The following TRAK1 variants were observed in gnomAD, a reference collection of about 807,000 sequenced individuals.
The protein encoded by TRAK1 is trafficking kinesin protein 1, also known as trafficking kinesin-binding protein 1.
Under a neutral mutation model 92.1 loss-of-function variants are expected in TRAK1, and 33 were observed. The ratio of observed to expected loss-of-function variants is 0.36; its 90% CI spans 0.27 to 0.48. TRAK1 has a LOEUF of 0.48. Among genes scored for constraint, TRAK1 ranks in the 20% least tolerant of loss-of-function variants. The pLI, the probability that TRAK1 is intolerant of heterozygous loss-of-function variation, is 0.99. For synonymous variants in TRAK1, 521 were observed against 517.3 expected, an observed-to-expected ratio of 1.01 and a Z score of -0.10; for missense variants, 1,123 against 1,257.9, an observed-to-expected ratio of 0.89 and a Z score of 1.62.
chr3:42,102,851 C>T (rs1376264958), intron 1 of TRAK1, among the ~76,000 whole-genome samples: 1 of 107,040 alleles, frequency 9.3e-6, no homozygotes, highest in Non-Finnish European at 2.1e-5. Flanking sequence ...CAGGGACCCT[C>T]CCCTGTCTGC....
Position 42,209,846 on chromosome 3 carries a change from C to G in TRAK1, c.1824C>G (p.Val608=), listed in dbSNP as rs757110433. The change falls in exon 14 of 16, where the codon GTC becomes GTG. Residue 608 remains valine, a synonymous_variant. Transcript: ENST00000327628. ...TCCTGGACCCCCGGCCCGGTGTGGT[C>G]ACCAAGGGCTTCCGGACGCTGGATG... ...GGILDPRPGV[V]TKGFRTLDVD... 1 of 1,614,236 alleles carries G rather than the reference C, an allele frequency of 6.2e-7. No homozygotes were observed. The highest frequency in any genetic ancestry group is 8.5e-7 in the Non-Finnish European group (1 of 1,180,054).
intron 1 of TRAK1, among the ~76,000 whole-genome samples, chr3:42,061,421 C>G (rs922076625): frequency 2.0e-5 from 3 of 150,664 alleles, no homozygotes; most frequent in Non-Finnish European, 4.4e-5. Flanking sequence ...CATAGCTCAT[C>G]ATATTTACAC....
chr3:42,197,086 A>C, intron 10 of TRAK1, among the ~76,000 whole-genome samples: 1 of 149,852 alleles, frequency 6.7e-6, no homozygotes, highest in Non-Finnish European at 1.5e-5. Flanking sequence ...TCATAATTTT[A>C]TTTGCCTAAA....
chr3:42,046,634 A>G (rs751544092), intron 1 of TRAK1, among the ~76,000 whole-genome samples: 65 of 152,334 alleles, frequency 4.3e-4, no homozygotes, highest in Admixed American at 1.7e-3. Flanking sequence ...GAGGATGTCT[A>G]CAGAATGCTT....
chr3:42,119,516 C>G (rs1019839007), intron 1 of TRAK1, among the ~76,000 whole-genome samples: 1 of 152,130 alleles, frequency 6.6e-6, no homozygotes, highest in Non-Finnish European at 1.5e-5. Flanking sequence ...GGAACTGTAG[C>G]CTCAATAAGG....
chr3:42,121,538 C>T (rs1361200059), intron 1 of TRAK1, among the ~76,000 whole-genome samples: 2 of 151,982 alleles, frequency 1.3e-5, no homozygotes, highest in South Asian at 2.1e-4. Flanking sequence ...GGATTACAGG[C>T]GTGAGCCACT....
chr3:42,174,184 T>C (rs1343585395), intron 2 of TRAK1, among the ~76,000 whole-genome samples: 2 of 152,076 alleles, frequency 1.3e-5, no homozygotes. Context: ...CCACCACGGC[T>C]GGCTAATTTT....
chr3:42,120,088 T>C (rs1215798162), intron 1 of TRAK1, among the ~76,000 whole-genome samples: 2 of 151,980 alleles, frequency 1.3e-5, no homozygotes, highest in Non-Finnish European at 2.9e-5. Flanking sequence ...TTTCCAGAAA[T>C]GGCACCAGCC....
chr3:42,099,936 T>C (rs1459827585), intron 1 of TRAK1, among the ~76,000 whole-genome samples: 2 of 151,976 alleles, frequency 1.3e-5, no homozygotes, highest in Admixed American at 1.3e-4. Context: ...GCCTGGGATG[T>C]GTGGTAAAGA....
chr3:42,116,192 G>A (rs988981172), intron 1 of TRAK1, among the ~76,000 whole-genome samples: 2 of 152,334 alleles, frequency 1.3e-5, no homozygotes, highest in South Asian at 2.1e-4. Flanking sequence ...GGGACCTGCC[G>A]CAGGCCAAGC....
chr3:42,210,687 T>C (rs1708920822), intron 14 of TRAK1: 2 of 990,216 alleles, frequency 2.0e-6, no homozygotes, highest in Non-Finnish European at 2.4e-6. Context: ...TGGAGGTATA[T>C]ATGTCATTTT....
intron 2 of TRAK1, among the ~76,000 whole-genome samples, chr3:42,159,329 T>C (rs1576690406): frequency 6.6e-6 from 1 of 151,918 alleles, no homozygotes. Context: ...ACCTGCACAG[T>C]GTAGCTGGGA....
At chr3:42,030,302 C>A (rs957709261) in intron 1 of TRAK1, among the ~76,000 whole-genome samples, 1 of 149,240 alleles carries the variant, frequency 6.7e-6, no homozygotes, top group African/African-American at 2.5e-5. Context: ...CGCAAGGCAG[C>A]AGTAAGCTGT....
At chr3:42,184,944 C>T (rs1704576003) in intron 4 of TRAK1, 143 bp downstream of exon 4, 1 of 741,472 alleles carries the variant, frequency 1.3e-6, no homozygotes, top group Admixed American at 2.6e-5. Flanking sequence ...CCAGAACTGT[C>T]TCTTCTGAAA....
intron 2 of TRAK1, among the ~76,000 whole-genome samples, chr3:42,129,491 A>G (rs1696919257): frequency 6.6e-6 from 1 of 152,144 alleles, no homozygotes; most frequent in Non-Finnish European, 1.5e-5. Context: ...CTTCCTAAGA[A>G]GAGGCGAGAA....
intron 7 of TRAK1, 98 bp downstream of exon 7, chr3:42,191,734 C>G: frequency 7.5e-7 from 1 of 1,333,538 alleles, no homozygotes. Flanking sequence ...TCCTGCCAGC[C>G]TACGGCTCAG....
intron 3 of TRAK1, among the ~76,000 whole-genome samples, chr3:42,183,530 G>C (rs915493005): frequency 6.9e-5 from 10 of 144,324 alleles, no homozygotes; most frequent in Admixed American, 2.8e-4. Flanking sequence ...TATCCAACCT[G>C]GGTGACAGAG....
intron 8 of TRAK1, 64 bp from the exon 9 acceptor site, chr3:42,193,760 A>C: frequency 6.5e-7 from 1 of 1,536,618 alleles, no homozygotes. Flanking sequence ...TAGGTTAATA[A>C]GAGGGAAAAA....
At chr3:42,175,858 A>G (rs4234428) in intron 2 of TRAK1, among the ~76,000 whole-genome samples, 116,664 of 152,128 alleles carry the variant, frequency 0.77, 45,035 homozygotes, top group East Asian at 0.99. Context: ...TAGTTACAAA[A>G]CATTACTAAG....
Sources: gnomAD v4.1 joint callset for allele counts (sites outside exome capture counted in the v4.1 genomes callset) on GRCh38, gnomAD v4.1.1 for gene constraint, MANE v1.5 for transcripts, NCBI Gene and HGNC (gene_info 2026-07-23, HGNC 2026-07-21) for gene names.